Variants in CNTNAP5 observed in about 807,000 individuals in gnomAD.
CNTNAP5 encodes contactin associated protein family member 5, also known as contactin-associated protein-like 5.
Under a neutral mutation model 150.2 loss-of-function variants are expected in CNTNAP5, and 72 were observed. That is an observed-to-expected ratio of 0.48 (90% CI 0.40 to 0.58). The LOEUF (loss-of-function observed/expected upper bound fraction) is 0.58. Among genes scored for constraint, CNTNAP5 ranks in the 20% least tolerant of loss-of-function variants. The pLI is 0.00. For synonymous variants in CNTNAP5, 672 were observed against 619.8 expected (o/e 1.08, Z -1.25); for missense variants, 1,636 against 1,626.2 (o/e 1.01, Z -0.10).
chr2:124,096,892 C>G (rs1339332743), intron 1 of CNTNAP5, among the ~76,000 whole-genome samples: 2 of 149,324 alleles, frequency 1.3e-5, no homozygotes, highest in Non-Finnish European at 3.0e-5. Context: ...TTAGTAGAGA[C>G]GGGGTTTCAC....
At chr2:124,651,817 A>G (rs1259579704) in intron 13 of CNTNAP5, among the ~76,000 whole-genome samples, 3 of 152,206 alleles carry the variant, frequency 2.0e-5, no homozygotes, top group Admixed American at 6.5e-5. Context: ...CCTGGGCGGC[A>G]TCAGAGGGTT....
chr2:124,698,407 C>T (rs948179086), intron 13 of CNTNAP5, among the ~76,000 whole-genome samples: 36 of 145,750 alleles, frequency 2.5e-4, no homozygotes, highest in East Asian at 2.1e-4. Flanking sequence ...CACACACACA[C>T]GTTTGCTTAT....
chr2:124,574,406 A>C (rs1354483051), intron 11 of CNTNAP5, among the ~76,000 whole-genome samples: 5 of 152,228 alleles, frequency 3.3e-5, no homozygotes, highest in African/African-American at 4.8e-5. Context: ...AATAGTTTCT[A>C]TTTCTTATCT....
chr2:124,416,927 G>A (rs1454082026), intron 3 of CNTNAP5, among the ~76,000 whole-genome samples: 2 of 146,656 alleles, frequency 1.4e-5, no homozygotes, highest in Non-Finnish European at 3.0e-5. Context: ...AAATGTTTAA[G>A]AGGGATTTCT....
intron 1 of CNTNAP5, among the ~76,000 whole-genome samples, chr2:124,096,849 G>T (rs990136664): frequency 5.3e-5 from 8 of 151,938 alleles, no homozygotes; most frequent in Admixed American, 1.3e-4. Flanking sequence ...GACTACAGGA[G>T]CACACCACCA....
intron 3 of CNTNAP5, among the ~76,000 whole-genome samples, chr2:124,372,463 CCTGA>C (rs1690550955): frequency 6.6e-6 from 1 of 152,044 alleles, no homozygotes; most frequent in Admixed American, 6.6e-5. Context: ...TCTAGAGAAA[CCTGA>C]CTAATACGGA....
chr2:124,035,676 C>A (rs527726956), intron 1 of CNTNAP5, among the ~76,000 whole-genome samples: 30 of 152,182 alleles, frequency 2.0e-4, no homozygotes, highest in African/African-American at 6.0e-4. Flanking sequence ...CATATTATAT[C>A]CATGTTTATA....
chr2:124,609,219 A>G (rs547724756), intron 11 of CNTNAP5, among the ~76,000 whole-genome samples: 1 of 152,198 alleles, frequency 6.6e-6, no homozygotes, highest in Non-Finnish European at 1.5e-5. Context: ...GAGGAGGGCC[A>G]TGTAAGAGGT....
intron 5 of CNTNAP5, among the ~76,000 whole-genome samples, chr2:124,437,631 T>A (rs923643920): frequency 1.3e-5 from 2 of 152,214 alleles, no homozygotes; most frequent in African/African-American, 4.8e-5. Flanking sequence ...TTTATCTTAG[T>A]TATTTATATG....
intron 3 of CNTNAP5, among the ~76,000 whole-genome samples, chr2:124,265,981 C>A (rs1355111417): frequency 6.6e-6 from 1 of 152,252 alleles, no homozygotes; most frequent in African/African-American, 2.4e-5. Flanking sequence ...ACTACATAAC[C>A]AAAGCTTATG....
chr2:124,855,248 G>T (rs1485819748), intron 19 of CNTNAP5, among the ~76,000 whole-genome samples: 1 of 139,506 alleles, frequency 7.2e-6, no homozygotes, highest in Non-Finnish European at 1.5e-5. Context: ...CACAATCTTG[G>T]CTCACTGCAA....
chr2:124,607,061 G>C (rs544092005), intron 11 of CNTNAP5, among the ~76,000 whole-genome samples: 28 of 152,166 alleles, frequency 1.8e-4, no homozygotes, highest in Non-Finnish European at 3.4e-4. Context: ...AACAGTATGA[G>C]GGAGGCTCTT....
At chr2:124,786,375 G>GA (rs1333102309) in intron 17 of CNTNAP5, among the ~76,000 whole-genome samples, 2 of 73,914 alleles carry the variant, frequency 2.7e-5, no homozygotes, top group Admixed American at 1.5e-4. Context: ...AAGAAAGAAA[G>GA]AAAGAAAGAA....
chr2:124,162,111 A>T (rs1684694045), intron 1 of CNTNAP5, among the ~76,000 whole-genome samples: 1 of 152,174 alleles, frequency 6.6e-6, no homozygotes, highest in African/African-American at 2.4e-5. Context: ...CTCATCTCTT[A>T]TGCATATTTC....
chr2:124,635,587 A>G (rs1326328955), intron 12 of CNTNAP5, among the ~76,000 whole-genome samples: 3 of 152,188 alleles, frequency 2.0e-5, no homozygotes, highest in Non-Finnish European at 4.4e-5. Context: ...ATGTTGGCTG[A>G]ATGAATACTT....
chr2:124,045,793 A>T (rs7567589), intron 1 of CNTNAP5, among the ~76,000 whole-genome samples: 3,000 of 152,248 alleles, frequency 0.02, 92 homozygotes, highest in African/African-American at 0.062. Flanking sequence ...ATGAAGTAAT[A>T]TTGACAGAAA....
intron 6 of CNTNAP5, among the ~76,000 whole-genome samples, chr2:124,465,796 T>C (rs916612084): frequency 1.3e-5 from 2 of 152,056 alleles, no homozygotes; most frequent in East Asian, 1.9e-4. Context: ...AGGCAAACTA[T>C]AAAGAATAAA....
In CNTNAP5 at chr2:124,651,744, C is replaced by T. The variant is rs140078284; in HGVS notation, c.2077+3786C>T. Among the ~76,000 whole-genome samples the T allele has an allele frequency of 5.3e-5, 8 of 152,234 alleles. No individual in the cohort carries two copies. In the East Asian group the frequency reaches 7.7e-4, roughly 15 times the overall value. ...GTAGGAAAATGGAAGGAGAGAGAAG[C>T]GCACCAAGCACTGTCTCTGTGAAGG... On this transcript the variant is annotated intron_variant, in intron 13 of 23. Transcript: ENST00000682447.
chr2:124,712,779 G>T (rs1220490926), intron 13 of CNTNAP5, among the ~76,000 whole-genome samples: 1 of 151,200 alleles, frequency 6.6e-6, no homozygotes, highest in African/African-American at 2.4e-5. Flanking sequence ...ACAGGGTCTT[G>T]CTCTGTCACC....
Sources: gnomAD v4.1 joint callset for allele counts (sites outside exome capture counted in the v4.1 genomes callset) on GRCh38, gnomAD v4.1.1 for gene constraint, MANE v1.5 for transcripts, NCBI Gene and HGNC (gene_info 2026-07-23, HGNC 2026-07-21) for gene names.